DOCK4: variants seen among roughly 807,000 people sequenced by gnomAD.
DOCK4 encodes the protein dedicator of cytokinesis 4, also known as dedicator of cytokinesis protein 4.
DOCK4 carries 97 observed loss-of-function variants against 268.1 expected under a neutral mutation model. That is an observed-to-expected ratio of 0.36 (90% CI 0.31 to 0.43). The LOEUF is 0.43. DOCK4 is among the 20% of genes least tolerant of loss of function. DOCK4 has a pLI of 1.00. For synonymous variants in DOCK4, 954 were observed against 887.2 expected (o/e 1.08, Z -1.34); for missense variants, 2,145 against 2,455.7 (o/e 0.87, Z 2.67).
Position 111,790,463 on chromosome 7 carries a change from A to G in DOCK4, c.3309T>C (p.Phe1103=). ...GAGGAGCACTTCTGCCTACCTGTTT[A>G]AAGTTGCCACTCCGCCTCTGCTCCC... ...MDWEQRRSGN[F]KQVEAKLIDK... is the part of the protein sequence containing the mutation. Residue 1103 remains phenylalanine (F), a synonymous_variant, in exon 31 of 53, where the codon TTT becomes TTC. Transcript: ENST00000428084. The G allele has an allele frequency of 6.2e-7, 1 of 1,613,746 alleles. No individual in the cohort carries two copies. Among genetic ancestry groups the G allele is most frequent in the Non-Finnish European group, 8.5e-7 (1 of 1,179,798 alleles).
intron 8 of DOCK4, among the ~76,000 whole-genome samples, chr7:111,954,438 T>C (rs1309684515): frequency 6.6e-6 from 1 of 152,114 alleles, no homozygotes; most frequent in African/African-American, 2.4e-5. Context: ...GAATGATCAG[T>C]GGTAAACAGA....
chr7:112,038,527 T>C (rs937698116), intron 1 of DOCK4, among the ~76,000 whole-genome samples: 2 of 152,190 alleles, frequency 1.3e-5, no homozygotes, highest in African/African-American at 4.8e-5. Context: ...AAGATCAATA[T>C]GCCAAGTGAG....
intron 22 of DOCK4, among the ~76,000 whole-genome samples, chr7:111,867,063 TG>T (rs1379389416): frequency 6.6e-6 from 1 of 152,188 alleles, no homozygotes; most frequent in Non-Finnish European, 1.5e-5. Flanking sequence ...CTTGCCCAGA[TG>T]GAAGATGAGT....
At position 111,736,983 on chromosome 7, in the gene DOCK4, G is replaced by A. The variant is rs1365026962; in HGVS notation, c.5239C>T (p.Leu1747=). ...PTPVEPSQRM[L]FNHIGDGALP... ...GCCCCGTCTCCAATATGATTAAACA[G>A]CATCCTCTGCAAAGTTACAAGGGTT... Residue 1747 remains leucine (L), a synonymous_variant, in exon 50 of 53, where the codon CTG becomes TTG. Transcript: ENST00000428084. 9 of 1,602,522 alleles carry A rather than the reference G, an allele frequency of 5.6e-6. No homozygotes were observed. Among genetic ancestry groups the A allele is most frequent in the African/African-American group, 2.7e-5 (2 of 74,802 alleles).
rs541556370 is a variant in DOCK4, at chr7:111,729,722, C to G, written c.5482-1002G>C. Among the ~76,000 whole-genome samples the G allele has an allele frequency of 6.8e-4, 103 of 152,252 alleles. 1 individual carries two copies. The highest frequency in any genetic ancestry group is 2.2e-3 in the Admixed American group (33 of 15,296). ...CATGCTGCAGGCCAGGAGCCAGGGC[C>G]GCTGAGCACACTCAGCTCAGAAGAC... On this transcript the variant is annotated intron_variant, in intron 52 of 52. Transcript: ENST00000428084.
rs1312281132 is a variant in DOCK4, at chr7:111,858,793, TTTCCTTCCTTCCCTCCC to T, written c.2473+4562_2473+4578del. Among the ~76,000 whole-genome samples, 1,126 of 148,108 alleles carry T rather than the reference TTTCCTTCCTTCCCTCCC, an allele frequency of 7.6e-3. 12 individuals carry two copies. The highest frequency in any genetic ancestry group is 0.027 in the African/African-American group (1,077 of 40,168). ...CGTCTTTCCTCCTTCCTTCCCTTCC[TTTCCTTCCTTCCCTCCC>T]TTCCTTCCTTCCCTCCCTTCCTTCC... On this transcript the variant is annotated intron_variant, in intron 23 of 52. Transcript: ENST00000428084.
At chr7:111,739,578 C>A (rs10246451) in intron 47 of DOCK4, 101 bp from the exon 48 acceptor site, 948,303 of 986,610 alleles carry the variant, frequency 0.96, 455,913 homozygotes, top group Middle Eastern at 0.98. Context: ...AAATTAGCAA[C>A]AAAAAGTCCG....
chr7:112,096,123 T>C (rs1429364351), intron 1 of DOCK4, among the ~76,000 whole-genome samples: 3 of 152,120 alleles, frequency 2.0e-5, no homozygotes, highest in Non-Finnish European at 4.4e-5. Context: ...AAATAGGGTC[T>C]TTTGAAGAAA....
chr7:111,813,049 T>C (rs944072745), intron 27 of DOCK4, among the ~76,000 whole-genome samples: 11 of 152,216 alleles, frequency 7.2e-5, no homozygotes, highest in Admixed American at 4.6e-4. Context: ...ATATTTCCAA[T>C]TGGTTCACTT....
At chr7:111,931,103 G>A (rs1477694150) in intron 12 of DOCK4, among the ~76,000 whole-genome samples, 1 of 152,102 alleles carries the variant, frequency 6.6e-6, no homozygotes, top group Admixed American at 6.6e-5. Context: ...TAAGAGAGAA[G>A]GGTAGAGAAG....
chr7:111,987,172 T>G (rs569304817), intron 6 of DOCK4, among the ~76,000 whole-genome samples: 3 of 152,184 alleles, frequency 2.0e-5, no homozygotes, highest in African/African-American at 7.2e-5. Flanking sequence ...TTTTCATGCA[T>G]CAATGTTTTA....
At chr7:111,862,367 C>T (rs1368130295) in intron 23 of DOCK4, among the ~76,000 whole-genome samples, 3 of 151,058 alleles carry the variant, frequency 2.0e-5, no homozygotes, top group Admixed American at 6.6e-5. Flanking sequence ...TATGCTCTAT[C>T]CTTAAATGTA....
intron 1 of DOCK4, among the ~76,000 whole-genome samples, chr7:112,159,512 A>T (rs902126860): frequency 1.3e-5 from 2 of 152,006 alleles, no homozygotes; most frequent in Non-Finnish European, 2.9e-5. Context: ...ACACTCCTCA[A>T]CTACAGACAA....
chr7:111,790,988 G>A (rs980830682), intron 30 of DOCK4, among the ~76,000 whole-genome samples: 5 of 149,672 alleles, frequency 3.3e-5, no homozygotes, highest in Admixed American at 1.3e-4. Flanking sequence ...AACCCGGGAG[G>A]CGGAGCTTGC....
At chr7:111,951,460 C>T (rs976242142) in intron 8 of DOCK4, among the ~76,000 whole-genome samples, 2 of 151,936 alleles carry the variant, frequency 1.3e-5, no homozygotes, top group Non-Finnish European at 2.9e-5. Flanking sequence ...ATTTGAGAGT[C>T]TCACCTTTTA....
At chr7:112,078,902 G>A (rs1808332574) in intron 1 of DOCK4, among the ~76,000 whole-genome samples, 1 of 152,136 alleles carries the variant, frequency 6.6e-6, no homozygotes. Context: ...GAGGCAGGTG[G>A]ATCACATGAG....
intron 44 of DOCK4, among the ~76,000 whole-genome samples, chr7:111,743,755 G>A (rs1347487462): frequency 1.3e-5 from 2 of 152,182 alleles, no homozygotes; most frequent in Non-Finnish European, 2.9e-5. Flanking sequence ...AAGTTGAGCT[G>A]CACAGCAGTC....
At chr7:111,732,150 G>C in intron 52 of DOCK4, 76 bp downstream of exon 52, 1 of 1,427,892 alleles carries the variant, frequency 7.0e-7, no homozygotes. Flanking sequence ...AGCACCTTTT[G>C]ATATATCTGG....
rs1563051929 is a variant in DOCK4 at position 112,066,678 on chromosome 7, T to TATAC, written c.38-62548_38-62547insGTAT. Among the ~76,000 whole-genome samples the TATAC allele has an allele frequency of 1.4e-4, 3 of 22,008 alleles. 1 individual carries two copies. The highest frequency in any genetic ancestry group is 2.6e-4 in the African/African-American group (1 of 3,796). The allele number at this position is 22,008 out of a possible 152,430, so 14.4% of individuals were successfully genotyped here. On this transcript the variant is annotated intron_variant, in intron 1 of 52. Coordinates refer to ENST00000428084, the MANE Select transcript of DOCK4 (RefSeq NM_001363540.2). Reference sequence around the variant, plus strand: ...CACATATTATACATATACATATACATATATACATATACATATATATATATA... The same window carrying TATAC: ...CACATATTATACATATACATATACATATACATATACATATACATATATATATATA...
Sources: allele counts gnomAD v4.1 joint callset (sites outside exome capture counted in the v4.1 genomes callset), GRCh38; gene constraint gnomAD v4.1.1; transcripts MANE v1.5; gene names NCBI Gene and HGNC (gene_info 2026-07-23, HGNC 2026-07-21).